The following ZNF354A variants were observed in gnomAD, a reference collection of about 807,000 sequenced individuals.
ZNF354A encodes zinc finger protein 354A.
Under a neutral mutation model 53.3 loss-of-function variants are expected in ZNF354A, and 25 were observed. The observed-to-expected ratio is 0.47, with a 90% CI of 0.34 to 0.66. ZNF354A has a LOEUF of 0.66. ZNF354A is among the 30% of genes least tolerant of loss of function. ZNF354A has a pLI of 0.01. For missense variants in ZNF354A, 586 were observed against 716.8 expected (o/e 0.82, Z 2.08); for synonymous variants, 228 against 249.0 (o/e 0.92, Z 0.79).
At chr5:178,713,750 T>A (rs1765667329) in intron 4 of ZNF354A, 129 bp from the exon 5 acceptor site, 15 of 1,194,990 alleles carry the variant, frequency 1.3e-5, no homozygotes, top group Admixed American at 2.8e-5. Context: ...ATGAAAAAAA[T>A]TGCAAAAAGA....
chr5:178,726,303 C>A, intron 3 of ZNF354A: 1 of 408,694 alleles, frequency 2.4e-6, no homozygotes, highest in Non-Finnish European at 4.9e-6. Flanking sequence ...AGCCTAAAGT[C>A]TTTACTACGT....
chr5:178,727,233 C>G, intron 2 of ZNF354A, 108 bp from the exon 3 acceptor site: 1 of 1,266,352 alleles, frequency 7.9e-7, no homozygotes, highest in Non-Finnish European at 1.1e-6. Context: ...ACTATTCAAG[C>G]TTCTGAAGGT....
At position 178,712,263 on chromosome 5, in the gene ZNF354A, G is replaced by A; in HGVS notation, c.1615C>T (p.Gln539Ter). The A allele has an allele frequency of 6.2e-7, 1 of 1,614,034 alleles. No individual in the cohort carries two copies. The highest frequency in any genetic ancestry group is 8.5e-7 in the Non-Finnish European group (1 of 1,179,960). The change falls in exon 5 of 5, where the codon CAG becomes TAG. Residue 539 changes from glutamine (Q) to a stop codon, truncating the protein, a stop_gained. Coordinates refer to ENST00000335815, the MANE Select transcript of ZNF354A (RefSeq NM_005649.3). LOFTEE classifies it high-confidence loss of function. ...ISFGQSSALI[Q>*]HRRIHTGEKP... is the part of the protein sequence containing the mutation. The stretch of plus-strand genomic sequence containing the variant: ...TCTCCTGTATGAATCCTTCGATGCT[G>A]AATAAGAGCTGAACTTTGGCCAAAA...
At position 178,713,546 on chromosome 5, in the gene ZNF354A, C is replaced by T. The variant is rs1297780506; in HGVS notation, c.332G>A (p.Arg111Lys). 7 of 1,611,008 alleles carry T rather than the reference C, an allele frequency of 4.3e-6. No homozygotes were observed. The highest frequency in any genetic ancestry group is 5.9e-6 in the Non-Finnish European group (7 of 1,179,498). ...ATCCCAAGGTACATTCCTGTTGGAT[C>T]TTTTCAGTATCAGTCCCTGAAATGA... ...DSSFQGLILKRSNRNVPWDLK... is the reference protein window; with the variant it reads ...DSSFQGLILKKSNRNVPWDLK... Residue 111 changes from arginine to lysine, a missense_variant, in exon 5 of 5, where the codon AGA becomes AAA. Coordinates refer to ENST00000335815, the MANE Select transcript of ZNF354A (RefSeq NM_005649.3).
At chr5:178,717,652 T>C (rs969827064) in intron 4 of ZNF354A, among the ~76,000 whole-genome samples, 4 of 152,044 alleles carry the variant, frequency 2.6e-5, no homozygotes, top group African/African-American at 7.2e-5. Context: ...TCTGGAGATC[T>C]GGGGGAGGTC....
At chr5:178,722,660 A>G (rs6890741) in intron 4 of ZNF354A, among the ~76,000 whole-genome samples, 34,656 of 151,992 alleles carry the variant, frequency 0.23, 4,574 homozygotes, top group South Asian at 0.35. Flanking sequence ...TCGTGCATTC[A>G]TTATACAACT....
rs1157233878 is a variant in ZNF354A, at chr5:178,728,782, C to CAAAAAA, written c.33+202_33+207dup. ...ACTGCCTGGGCGACAAAGCGAGATT[C>CAAAAAA]AAAAAAAAAAAAAAAAAAGAGAACC... On this transcript the variant is annotated intron_variant, in intron 2 of 4. Coordinates refer to ENST00000335815, the MANE Select transcript of ZNF354A (RefSeq NM_005649.3). 1.1e-3 allele frequency among the ~76,000 whole-genome samples: 58 copies of CAAAAAA among 50,866 alleles called. 1 individual carries two copies. Among genetic ancestry groups the CAAAAAA allele is most frequent in the South Asian group, 2.1e-3 (2 of 944 alleles). 33.4% of individuals were successfully genotyped at this position (50,866 alleles called of 152,430 possible). A position where few individuals can be genotyped will look rare whatever the true frequency, so the allele number is the denominator to read the frequency against.
chr5:178,729,808 A>C (rs962369273), intron 1 of ZNF354A, among the ~76,000 whole-genome samples: 3 of 151,288 alleles, frequency 2.0e-5, no homozygotes, highest in Non-Finnish European at 2.9e-5. Flanking sequence ...TGGCATCCCA[A>C]AAATCTAGGA....
At chr5:178,723,580 G>A (rs1246271469) in intron 4 of ZNF354A, among the ~76,000 whole-genome samples, 6 of 152,122 alleles carry the variant, frequency 3.9e-5, no homozygotes, top group South Asian at 4.1e-4. Context: ...CTTTGCTGAC[G>A]CCACCTGCCT....
chr5:178,713,334 T>G lies in ZNF354A; in HGVS notation c.544A>C (p.Arg182=). Reference sequence around the variant, plus strand: ...TCACATTTTGGTGGTGTTTTTTCTCTGGGAAGTATCTGTTGCCTAATAAGC... The same window carrying G: ...TCACATTTTGGTGGTGTTTTTTCTCGGGGAAGTATCTGTTGCCTAATAAGC... ...SVLIRQQILP[R]EKTPPKCEIQ... The change falls in exon 5 of 5, where the codon AGA becomes CGA. Residue 182 remains arginine (R), a synonymous_variant. Transcript: ENST00000335815. 6 of 1,614,190 alleles carry G rather than the reference T, an allele frequency of 3.7e-6. No individual in the cohort carries two copies. The highest frequency in any genetic ancestry group is 5.1e-6 in the Non-Finnish European group (6 of 1,180,026).
intron 4 of ZNF354A, among the ~76,000 whole-genome samples, chr5:178,714,035 C>CT (rs1460031361): frequency 6.7e-6 from 1 of 148,660 alleles, no homozygotes; most frequent in African/African-American, 2.5e-5. Context: ...TTGAGACAGT[C>CT]TCACTCTGTC....
In ZNF354A at chr5:178,719,014, G is replaced by A. The variant is rs549999971; in HGVS notation, c.257-5393C>T. ...CCATCGTGAATATGTCTAAGTTCAGGATCTCCTCACTGTAGAGTGACTTGC... is the reference window on the plus strand; with the variant it reads ...CCATCGTGAATATGTCTAAGTTCAGAATCTCCTCACTGTAGAGTGACTTGC... On this transcript the variant is annotated intron_variant, in intron 4 of 4. Coordinates refer to ENST00000335815, the MANE Select transcript of ZNF354A (RefSeq NM_005649.3). 8.5e-5 allele frequency among the ~76,000 whole-genome samples: 13 copies of A among 152,260 alleles called. No individual in the cohort carries two copies. In the South Asian group the frequency reaches 1.9e-3, roughly 22 times the overall value.
chr5:178,719,385 A>C (rs961718720), intron 4 of ZNF354A, among the ~76,000 whole-genome samples: 1 of 152,222 alleles, frequency 6.6e-6, no homozygotes, highest in Non-Finnish European at 1.5e-5. Flanking sequence ...GGACGTGAAC[A>C]CGAGCTTAGA....
At chr5:178,718,347 G>A (rs961624223) in intron 4 of ZNF354A, among the ~76,000 whole-genome samples, 4 of 152,198 alleles carry the variant, frequency 2.6e-5, no homozygotes, top group Non-Finnish European at 2.9e-5. Context: ...AAGTTGAGAA[G>A]CCAGAATCAT....
At position 178,712,406 on chromosome 5, in the gene ZNF354A, T is replaced by C; in HGVS notation, c.1472A>G (p.Glu491Gly). Residue 491 changes from glutamate (E) to glycine (G), a missense_variant, in exon 5 of 5, where the codon GAA (glutamate) becomes GGA (glycine). By Grantham distance (98) the Glu-to-Gly change is moderately conservative. Coordinates refer to ENST00000335815, the MANE Select transcript of ZNF354A (RefSeq NM_005649.3). ...ACACTCGTTACATTTATAGGGTCTTTCTCCAGTATGCATTCTCTGATGTTG... is the reference window on the plus strand; with the variant it reads ...ACACTCGTTACATTTATAGGGTCTTCCTCCAGTATGCATTCTCTGATGTTG... ...LIQHQRMHTG[E>G]RPYKCNECGK... is the part of the protein sequence containing the mutation. 7.4e-6 allele frequency: 12 copies of C among 1,613,842 alleles called. No individual in the cohort carries two copies. Among genetic ancestry groups the C allele is most frequent in the Non-Finnish European group, 1.0e-5 (12 of 1,179,774 alleles).
chr5:178,721,185 C>T (rs986515711), intron 4 of ZNF354A, among the ~76,000 whole-genome samples: 1 of 151,976 alleles, frequency 6.6e-6, no homozygotes, highest in Non-Finnish European at 1.5e-5. Flanking sequence ...AATAATTGCA[C>T]TGCTTAATGA....
At chr5:178,713,716 T>A in intron 4 of ZNF354A, 95 bp from the exon 5 acceptor site, 1 of 1,398,688 alleles carries the variant, frequency 7.1e-7, no homozygotes, top group Admixed American at 2.6e-5. Flanking sequence ...ATTGGTGACA[T>A]TTAAATAAGA....
intron 4 of ZNF354A, among the ~76,000 whole-genome samples, chr5:178,724,879 T>C (rs1765876207): frequency 2.0e-5 from 3 of 152,226 alleles, no homozygotes; most frequent in Non-Finnish European, 2.9e-5. Context: ...TAGCTGTTCT[T>C]ACACGGATGG....
At chr5:178,721,180 T>C (rs1370374119) in intron 4 of ZNF354A, among the ~76,000 whole-genome samples, 1 of 152,184 alleles carries the variant, frequency 6.6e-6, no homozygotes, top group Non-Finnish European at 1.5e-5. Context: ...AAAAAAATAA[T>C]TGCACTGCTT....
Sources: allele counts gnomAD v4.1 joint callset (sites outside exome capture counted in the v4.1 genomes callset), GRCh38; gene constraint gnomAD v4.1.1; transcripts MANE v1.5; gene names NCBI Gene and HGNC (gene_info 2026-07-23, HGNC 2026-07-21).